Variants in MMP13 observed in about 807,000 individuals in gnomAD.
The protein encoded by MMP13 is collagenase 3.
In MMP13, 45 loss-of-function variants were observed where a neutral mutation model predicts 52.1. That is an observed-to-expected ratio of 0.86 (90% CI 0.68 to 1.11). The LOEUF (loss-of-function observed/expected upper bound fraction) is 1.11, where lower values mean the gene tolerates loss of function less well. MMP13 is among the 50% of genes least tolerant of loss of function. MMP13 has a pLI of 0.00. For missense variants in MMP13, 576 were observed against 583.8 expected, an observed-to-expected ratio of 0.99 and a Z score of 0.14; for synonymous variants, 200 against 204.4, an observed-to-expected ratio of 0.98 and a Z score of 0.18.
rs369622822 is a variant in MMP13 at position 102,955,615 on chromosome 11, A to G, written c.91T>C (p.Leu31=). ...PLPSGGDEDD[L]SEEDLQFAER... ...GCAAACTGGAGGTCTTCCTCAGACA[A>G]ATCATCTTCATCACCACCACTGGGA... Residue 31 remains leucine (L), a synonymous_variant, in exon 1 of 10, where the codon TTG becomes CTG. Transcript: ENST00000260302. This position sits in a 1 kb window ranked among gnomAD's most constrained non-coding sequence, Gnocchi z 4.9. The G allele has an allele frequency of 6.2e-7, 1 of 1,613,910 alleles. No homozygotes were observed. The highest frequency in any genetic ancestry group is 1.3e-5 in the African/African-American group (1 of 74,908).
At position 102,944,159 on chromosome 11, in the gene MMP13, A is replaced by G; in HGVS notation, c.*107T>C. 1.2e-6 allele frequency: 1 copy of G among 836,268 alleles called. No individual in the cohort carries two copies. Among genetic ancestry groups the G allele is most frequent in the Admixed American group, 1.7e-5 (1 of 57,906 alleles). 51.8% of individuals were successfully genotyped at this position (836,268 alleles called of 1,614,324 possible). A position where few individuals can be genotyped will look rare whatever the true frequency, so the allele number is the denominator to read the frequency against. The stretch of plus-strand genomic sequence containing the variant: ...AAAGATAACTTACTGAAGCTTGTTC[A>G]CAGAACCAAGCTTTCTCCTGATAGC... On this transcript the variant is annotated 3_prime_UTR_variant, in exon 10 of 10. Transcript: ENST00000260302.
At position 102,950,206 on chromosome 11, in the gene MMP13, T is replaced by C; in HGVS notation, c.821A>G (p.Asn274Ser). The C allele has an allele frequency of 6.2e-7, 1 of 1,613,606 alleles. No individual in the cohort carries two copies. The highest frequency in any genetic ancestry group is 2.2e-5 in the East Asian group (1 of 44,876). ...SLYGPGDEDP[N>S]PKHPKTPDKC... ...GTCTGGCGTTTTTGGATGTTTAGGG[T>C]TGGGGTCTTCATCTCCTGGACCTGT... Residue 274 changes from asparagine (N) to serine (S), a missense_variant, in exon 6 of 10, where the codon AAC becomes AGC. Transcript: ENST00000260302.
In MMP13 at chr11:102,944,265, C is replaced by T. The variant is rs141028591; in HGVS notation, c.*1G>A. Reference sequence around the variant, plus strand: ...TTAAATAACAATTTTTAAAAAGACACTTAACACCACAAAATGGAATTTGCT... The same window carrying T: ...TTAAATAACAATTTTTAAAAAGACATTTAACACCACAAAATGGAATTTGCT... On this transcript the variant is annotated 3_prime_UTR_variant, in exon 10 of 10. Coordinates refer to ENST00000260302, the MANE Select transcript of MMP13 (RefSeq NM_002427.4). 5 of 1,610,772 alleles carry T rather than the reference C, an allele frequency of 3.1e-6. No individual in the cohort carries two copies. Among genetic ancestry groups the T allele is most frequent in the Non-Finnish European group, 4.2e-6 (5 of 1,177,316 alleles).
chr11:102,954,746 A>G, intron 2 of MMP13, 140 bp from the exon 3 acceptor site: 3 of 872,398 alleles, frequency 3.4e-6, no homozygotes, highest in Middle Eastern at 3.5e-4. Context: ...GTTTCAAATA[A>G]TGTATTAATT....
chr11:102,947,119 G>A (rs1005962977), intron 8 of MMP13, among the ~76,000 whole-genome samples: 2 of 152,152 alleles, frequency 1.3e-5, no homozygotes, highest in African/African-American at 4.8e-5. Context: ...TCAGCTTCCT[G>A]GTCAACCTCT....
At position 102,947,940 on chromosome 11, in the gene MMP13, A is replaced by G; in HGVS notation, c.1162T>C (p.Phe388Leu). The G allele has an allele frequency of 2.5e-6, 4 of 1,614,020 alleles. No individual in the cohort carries two copies. Among genetic ancestry groups the G allele is most frequent in the Non-Finnish European group, 3.4e-6 (4 of 1,179,928 alleles). ...AGGAGAGTCTTGCCTGTATCCTCAA[A>G]GTGAACAGCTGCACTTATCTTCTTA... is the stretch of plus-strand genomic sequence containing the variant. ...EVKKISAAVHFEDTGKTLLFS... is the reference protein window; with the variant it reads ...EVKKISAAVHLEDTGKTLLFS... The change falls in exon 8 of 10, where the codon TTT becomes CTT. Residue 388 changes from phenylalanine (F) to leucine (L), a missense_variant. By Grantham distance (22) the Phe-to-Leu change is conservative (BLOSUM62 0). Transcript: ENST00000260302.
chr11:102,944,938 CAAT>C (rs1860474261), intron 9 of MMP13, among the ~76,000 whole-genome samples: 1 of 149,898 alleles, frequency 6.7e-6, no homozygotes, highest in African/African-American at 2.5e-5. Flanking sequence ...TATAAGTTAT[CAAT>C]AATATCTCTT....
rs1860448477 is a variant in MMP13, at chr11:102,943,817, CT to C, written c.*448del. 5.9e-6 allele frequency: 1 copy of C among 169,190 alleles called. No homozygotes were observed. Among genetic ancestry groups the C allele is most frequent in the Non-Finnish European group, 1.3e-5 (1 of 78,058 alleles). 10.5% of individuals were successfully genotyped at this position (169,190 alleles called of 1,614,324 possible). ...ACAGTCTATTATTACAGACATTTTC[CT>C]TTGGTTTATTTCTTTTATGTATGGC... On this transcript the variant is annotated 3_prime_UTR_variant, in exon 10 of 10. Transcript: ENST00000260302.
At position 102,943,558 on chromosome 11, in the gene MMP13, C is replaced by G. The variant is rs1327090058; in HGVS notation, c.*708G>C. ...AATATTTTAATAAAAAGACATCATC[C>G]TTCTTTATCCTTTATAATATGCAAA... On this transcript the variant is annotated 3_prime_UTR_variant, in exon 10 of 10. Coordinates refer to ENST00000260302, the MANE Select transcript of MMP13 (RefSeq NM_002427.4). 1 of 152,134 alleles carries G rather than the reference C, an allele frequency of 6.6e-6. No individual in the cohort carries two copies. Among genetic ancestry groups the G allele is most frequent in the Non-Finnish European group, 1.5e-5 (1 of 68,018 alleles). 9.4% of individuals were successfully genotyped at this position (152,134 alleles called of 1,614,324 possible). A position where few individuals can be genotyped will look rare whatever the true frequency, so the allele number is the denominator to read the frequency against.
In MMP13 at chr11:102,955,424, T is replaced by G. The variant is rs111947721; in HGVS notation, c.190A>C (p.Met64Leu). 132 of 1,614,082 alleles carry G rather than the reference T, an allele frequency of 8.2e-5. No individual in the cohort carries two copies. The African/African-American group carries it at 1.5e-3, about 18-fold the overall frequency. The change falls in exon 2 of 10, where the codon ATG (methionine) becomes CTG (leucine). Residue 64 changes from methionine (M) to leucine (L), a missense_variant. Coordinates refer to ENST00000260302, the MANE Select transcript of MMP13 (RefSeq NM_002427.4). The surrounding 1 kb of genome is among the most constrained non-coding windows in gnomAD (Gnocchi z 4.9). ...GILKENAASSMTERLREMQSF... is the reference protein window; with the variant it reads ...GILKENAASSLTERLREMQSF... ...TGCATTTCTCGGAGCCTCTCAGTCA[T>G]GGAGCTTGCTGCATTCTCCTTCAGG...
intron 7 of MMP13, among the ~76,000 whole-genome samples, chr11:102,948,615 A>AT: frequency 6.6e-6 from 1 of 152,350 alleles, no homozygotes; most frequent in East Asian, 1.9e-4. Flanking sequence ...CTATACTATG[A>AT]AAATAAATAT....
In MMP13 at chr11:102,950,104, G is replaced by T. The variant is rs1555017137; in HGVS notation, c.917+6C>A. On this transcript the variant is annotated splice_donor_region_variant and intron_variant, in intron 6 of 9. Coordinates refer to ENST00000260302, the MANE Select transcript of MMP13 (RefSeq NM_002427.4). ...TACAGACTTTATGAAAGAATCTCAA[G>T]AGTACCTGTCTTTAAAGATCATTGT... The T allele has an allele frequency of 8.8e-6, 14 of 1,589,608 alleles. No homozygotes were observed. The highest frequency in any genetic ancestry group is 1.1e-5 in the Non-Finnish European group (13 of 1,157,732).
intron 7 of MMP13, among the ~76,000 whole-genome samples, chr11:102,948,702 A>C (rs1860556417): frequency 6.6e-6 from 1 of 152,162 alleles, no homozygotes; most frequent in Non-Finnish European, 1.5e-5. Flanking sequence ...GATTCATAAT[A>C]TTTTTTCCAC....
chr11:102,950,791 G>C (rs1187721917), intron 5 of MMP13, among the ~76,000 whole-genome samples: 3 of 151,992 alleles, frequency 2.0e-5, no homozygotes, highest in East Asian at 1.9e-4. Context: ...ACAGGATGGG[G>C]GTGCAGTATA....
Position 102,955,583 on chromosome 11 carries a change from T to C in MMP13, c.120+3A>G. On this transcript the variant is annotated splice_donor_region_variant and intron_variant, in intron 1 of 9. Coordinates refer to ENST00000260302, the MANE Select transcript of MMP13 (RefSeq NM_002427.4). The surrounding 1 kb of genome is among the most constrained non-coding windows in gnomAD (Gnocchi z 4.9). ...CATCATCAGGATTGGCAAGATACTCTACCTCTGCAAACTGGAGGTCTTCCT... is the reference window on the plus strand; with the variant it reads ...CATCATCAGGATTGGCAAGATACTCCACCTCTGCAAACTGGAGGTCTTCCT... 1.9e-6 allele frequency: 3 copies of C among 1,614,014 alleles called. No individual in the cohort carries two copies. Among genetic ancestry groups the C allele is most frequent in the South Asian group, 1.1e-5 (1 of 91,084 alleles).
At chr11:102,948,128 C>T in intron 7 of MMP13, 78 bp from the exon 8 acceptor site, 3 of 1,163,226 alleles carry the variant, frequency 2.6e-6, no homozygotes, top group Non-Finnish European at 3.8e-6. Context: ...TGCTTAAAGA[C>T]AGGCCCACTT....
intron 9 of MMP13, chr11:102,945,130 G>A (rs1018714648): frequency 1.3e-4 from 44 of 344,884 alleles, no homozygotes; most frequent in Non-Finnish European, 2.2e-4. Flanking sequence ...TGTAATCCCA[G>A]CTACTCCAGA....
chr11:102,951,871 CA>C (rs1387569877), intron 5 of MMP13, 140 bp downstream of exon 5: 8 of 812,668 alleles, frequency 9.8e-6, no homozygotes, highest in African/African-American at 1.7e-5. Context: ...TACTGTATTA[CA>C]GTATTATGAA....
rs1860459930 is a variant in MMP13 at position 102,944,308 on chromosome 11, A to G, written c.1374T>C (p.Arg458=). 1.9e-6 allele frequency: 3 copies of G among 1,613,436 alleles called. No individual in the cohort carries two copies. Among genetic ancestry groups the G allele is most frequent in the Non-Finnish European group, 2.5e-6 (3 of 1,179,514 alleles). The change falls in exon 10 of 10, where the codon CGT becomes CGC. Residue 458 remains arginine, a synonymous_variant. Transcript: ENST00000260302. ...IQFEYSIWSN[R]IVRVMPANSI... ...AATTTGCTGGCATGACGCGAACAAT[A>G]CGGTTACTCCAGATGCTGTATTCAA...
Sources: gnomAD v4.1 joint callset for allele counts (sites outside exome capture counted in the v4.1 genomes callset) on GRCh38, gnomAD v4.1.1 for gene constraint, Gnocchi (gnomAD v3.1) non-coding constraint, MANE v1.5 for transcripts, NCBI Gene and HGNC (gene_info 2026-07-23, HGNC 2026-07-21) for gene names.